The following SNED1 variants were observed in gnomAD, a reference collection of about 807,000 sequenced individuals.
SNED1 encodes the protein sushi, nidogen and EGF like domains 1.
In SNED1, 81 loss-of-function variants were observed where a neutral mutation model predicts 166.7. That is an observed-to-expected ratio of 0.49 (90% CI 0.41 to 0.58). The LOEUF (loss-of-function observed/expected upper bound fraction) is 0.58, where lower values mean the gene tolerates loss of function less well. SNED1 is among the 20% of genes least tolerant of loss of function. The pLI, the probability that SNED1 is intolerant of heterozygous loss-of-function variation, is 0.00. For synonymous variants in SNED1, 762 were observed against 822.0 expected, an observed-to-expected ratio of 0.93 and a Z score of 1.25; for missense variants, 1,604 against 2,000.2, an observed-to-expected ratio of 0.80 and a Z score of 3.78.
Position 241,053,166 on chromosome 2 carries a change from C to T in SNED1, c.2097C>T (p.Gly699=). ...CGTGCCTTGCAGAGGTGGACTGCGG[C>T]CCCCCGGAGGAGGTGAAGCACGCCA... ...GRRCQAEVDC[G]PPEEVKHATL... is the part of the protein sequence containing the mutation. Residue 699 remains glycine, a synonymous_variant, in exon 16 of 32, where the codon GGC becomes GGT. Transcript: ENST00000310397. 1 of 1,609,920 alleles carries T rather than the reference C, an allele frequency of 6.2e-7. No homozygotes were observed. Among genetic ancestry groups the T allele is most frequent in the Non-Finnish European group, 8.5e-7 (1 of 1,179,038 alleles).
At chr2:241,072,198 G>A (rs1420640355) in intron 26 of SNED1, 1 of 581,444 alleles carries the variant, frequency 1.7e-6, no homozygotes, top group Non-Finnish European at 3.3e-6. Context: ...ATTTGCCAAA[G>A]TAGGGCTCTG....
intron 8 of SNED1, among the ~76,000 whole-genome samples, chr2:241,043,681 G>A (rs1410573917): frequency 6.6e-6 from 1 of 152,082 alleles, no homozygotes; most frequent in African/African-American, 2.4e-5. Flanking sequence ...TAAAATAGAT[G>A]ACTCCAATAA....
chr2:241,079,113 CAA>C (rs1274280801), intron 27 of SNED1, among the ~76,000 whole-genome samples: 11 of 72,512 alleles, frequency 1.5e-4, no homozygotes, highest in Admixed American at 3.4e-4. Flanking sequence ...GACTCCATCT[CAA>C]AAAAAAAAAA....
intron 6 of SNED1, among the ~76,000 whole-genome samples, chr2:241,038,168 C>T (rs924655688): frequency 6.6e-6 from 1 of 152,254 alleles, no homozygotes. Context: ...CCTGCTGCTC[C>T]CCACCCAGCT....
At chr2:241,011,669 A>G (rs138083956) in intron 1 of SNED1, among the ~76,000 whole-genome samples, 2 of 152,322 alleles carry the variant, frequency 1.3e-5, no homozygotes, top group African/African-American at 4.8e-5. Context: ...TTTGGGAAGT[A>G]GCGTTTTCCC....
At chr2:241,027,485 T>G (rs941380909) in intron 1 of SNED1, among the ~76,000 whole-genome samples, 1 of 152,216 alleles carries the variant, frequency 6.6e-6, no homozygotes, top group Non-Finnish European at 1.5e-5. Flanking sequence ...CTGCCAGCTG[T>G]TAGCTATTGT....
chr2:241,021,212 C>G lies in SNED1; in HGVS notation c.214-9072C>G, dbSNP rs184484336. Reference sequence around the variant, plus strand: ...TAGCTCCTTGTCAGTGCCCATTGCTCTTCCCCACCACTGCGCTTCCCACAT... The same window carrying G: ...TAGCTCCTTGTCAGTGCCCATTGCTGTTCCCCACCACTGCGCTTCCCACAT... On this transcript the variant is annotated intron_variant, in intron 1 of 31. Coordinates refer to ENST00000310397, the MANE Select transcript of SNED1 (RefSeq NM_001080437.3). Among the ~76,000 whole-genome samples, 95 of 152,338 alleles carry G rather than the reference C, an allele frequency of 6.2e-4. No homozygotes were observed. The East Asian group carries it at 0.017, about 28-fold the overall frequency.
intron 8 of SNED1, among the ~76,000 whole-genome samples, chr2:241,046,323 A>C (rs2061645718): frequency 6.6e-6 from 1 of 152,204 alleles, no homozygotes; most frequent in Non-Finnish European, 1.5e-5. Flanking sequence ...TAAAGAGATG[A>C]AAACTTATGT....
At chr2:241,060,187 C>CTTT (rs34936638) in intron 16 of SNED1, among the ~76,000 whole-genome samples, 3 of 144,752 alleles carry the variant, frequency 2.1e-5, no homozygotes, top group African/African-American at 5.1e-5. Context: ...AAACTATAAA[C>CTTT]TTTTTTTTTT....
In SNED1 at chr2:241,018,444, A is replaced by C. The variant is rs538225237; in HGVS notation, c.214-11840A>C. On this transcript the variant is annotated intron_variant, in intron 1 of 31. Transcript: ENST00000310397. This position sits in a 1 kb window ranked among gnomAD's most constrained non-coding sequence, Gnocchi z 5.4. ...AGGCACCTTGCCAGGTGCTGGATTT[A>C]AGGGGCAAAGAACATTCGTTGTTCA... is the stretch of plus-strand genomic sequence containing the variant. 1.3e-5 allele frequency among the ~76,000 whole-genome samples: 2 copies of C among 152,232 alleles called. No homozygotes were observed. The highest frequency in any genetic ancestry group is 3.9e-4 in the East Asian group (2 of 5,156).
intron 17 of SNED1, chr2:241,063,315 C>A: frequency 1.9e-6 from 1 of 525,010 alleles, no homozygotes; most frequent in Admixed American, 3.2e-5. Flanking sequence ...GGGAGCCGTG[C>A]CCAGTCGTGG....
rs1435627660 is a variant in SNED1, at chr2:241,078,330, G to C, written c.3917-3347G>C. Reference sequence around the variant, plus strand: ...CCCGGGAGGTGGAGTTTGCAGTGAGGTGAGATCGCGCCACTGCACTGCAGC... The same window carrying C: ...CCCGGGAGGTGGAGTTTGCAGTGAGCTGAGATCGCGCCACTGCACTGCAGC... On this transcript the variant is annotated intron_variant, in intron 27 of 31. Transcript: ENST00000310397. 1.4e-4 allele frequency among the ~76,000 whole-genome samples: 21 copies of C among 150,426 alleles called. No homozygotes were observed. The East Asian group carries it at 4.1e-3, about 29-fold the overall frequency.
chr2:241,077,570 A>G (rs1301847589), intron 27 of SNED1, among the ~76,000 whole-genome samples: 1 of 152,162 alleles, frequency 6.6e-6, no homozygotes, highest in Non-Finnish European at 1.5e-5. Flanking sequence ...AACAATAAAA[A>G]GACAAACAAC....
At chr2:241,008,372 C>G (rs577037978) in intron 1 of SNED1, among the ~76,000 whole-genome samples, 2 of 152,350 alleles carry the variant, frequency 1.3e-5, no homozygotes, top group South Asian at 4.1e-4. Context: ...CTATTCACCA[C>G]GAAGGGGTGG....
chr2:241,040,640 C>T (rs1270474623), intron 8 of SNED1, among the ~76,000 whole-genome samples: 2 of 152,220 alleles, frequency 1.3e-5, no homozygotes, highest in Non-Finnish European at 2.9e-5. Flanking sequence ...TGGATGCTGC[C>T]TCCAGGGTGC....
At chr2:241,090,378 G>A in intron 31 of SNED1, 1 of 1,550,058 alleles carries the variant, frequency 6.5e-7, no homozygotes, top group South Asian at 1.2e-5. Context: ...GCCTTCTTCT[G>A]GAAACCTCCT....
intron 1 of SNED1, among the ~76,000 whole-genome samples, chr2:241,026,858 A>G (rs1041389046): frequency 2.0e-5 from 3 of 152,196 alleles, no homozygotes; most frequent in Non-Finnish European, 4.4e-5. Context: ...AATTCTTTTC[A>G]TCTTTCAAAA....
intron 1 of SNED1, among the ~76,000 whole-genome samples, chr2:241,006,148 A>AT (rs1036130138): frequency 3.3e-5 from 5 of 150,934 alleles, no homozygotes; most frequent in South Asian, 2.1e-4. Context: ...AAATTCACTG[A>AT]TTTTTTTTTC....
chr2:241,065,042 G>GC, intron 20 of SNED1, 85 bp downstream of exon 20: 1 of 1,087,776 alleles, frequency 9.2e-7, no homozygotes. Flanking sequence ...AGGGCAGAGC[G>GC]TCTGGCCGCT....
Sources: gnomAD v4.1 joint callset for allele counts (sites outside exome capture counted in the v4.1 genomes callset) on GRCh38, gnomAD v4.1.1 for gene constraint, Gnocchi (gnomAD v3.1) non-coding constraint, MANE v1.5 for transcripts, NCBI Gene and HGNC (gene_info 2026-07-23, HGNC 2026-07-21) for gene names.